The following PDE9A variants were observed in gnomAD, a reference collection of about 807,000 sequenced individuals.
PDE9A encodes the protein high affinity cGMP-specific 3',5'-cyclic phosphodiesterase 9A.
PDE9A carries 60 observed loss-of-function variants against 87.4 expected under a neutral mutation model. The ratio of observed to expected loss-of-function variants is 0.69; its 90% CI spans 0.56 to 0.85. PDE9A has a LOEUF of 0.85. PDE9A is among the 40% of genes least tolerant of loss of function. The pLI is 0.00. For synonymous variants in PDE9A, 272 were observed against 279.4 expected (o/e 0.97, Z 0.27); for missense variants, 665 against 779.0 (o/e 0.85, Z 1.74).
At chr21:42,728,547 C>T (rs927895170) in intron 4 of PDE9A, among the ~76,000 whole-genome samples, 1 of 152,224 alleles carries the variant, frequency 6.6e-6, no homozygotes, top group African/African-American at 2.4e-5. Flanking sequence ...ATAAACCCCA[C>T]TAAATCTTGA....
At chr21:42,727,932 C>T (rs374588614) in intron 4 of PDE9A, among the ~76,000 whole-genome samples, 13 of 152,276 alleles carry the variant, frequency 8.5e-5, no homozygotes, top group African/African-American at 3.1e-4. Context: ...TGTTAATTAG[C>T]AGCAGTGAGA....
intron 7 of PDE9A, 50 bp from the exon 8 acceptor site, chr21:42,743,726 T>C (rs764988243): frequency 8.5e-7 from 1 of 1,181,564 alleles, no homozygotes; most frequent in Non-Finnish European, 1.2e-6. Context: ...TGAGAGATCC[T>C]CCACATTCGT....
At position 42,705,878 on chromosome 21, in the gene PDE9A, G is replaced by A. The variant is rs2048789254; in HGVS notation, c.262+6867G>A. ...TTCAGCCTCTGCATCTGGCCCCCGC[G>A]GAGACCCACACCACATTCTACTCCC... On this transcript the variant is annotated intron_variant, in intron 4 of 19. Coordinates refer to ENST00000291539, the MANE Select transcript of PDE9A (RefSeq NM_002606.3). This position sits in a 1 kb window ranked among gnomAD's most constrained non-coding sequence, Gnocchi z 4.3. 2.0e-5 allele frequency among the ~76,000 whole-genome samples: 3 copies of A among 151,980 alleles called. No homozygotes were observed. Among genetic ancestry groups the A allele is most frequent in the African/African-American group, 4.8e-5 (2 of 41,364 alleles).
rs1300940027 is a variant in PDE9A, at chr21:42,694,085, C to CT, written c.219-4882dup. 2.0e-5 allele frequency among the ~76,000 whole-genome samples: 3 copies of CT among 152,146 alleles called. No homozygotes were observed. Among genetic ancestry groups the CT allele is most frequent in the African/African-American group, 7.2e-5 (3 of 41,426 alleles). ...CCCTCTGGTGACCAGAAGCTTATGT[C>CT]TACCAGACCCAGGGCCTTCCCTTGC... is the stretch of plus-strand genomic sequence containing the variant. On this transcript the variant is annotated intron_variant, in intron 3 of 19. Transcript: ENST00000291539. This position sits in a 1 kb window ranked among gnomAD's most constrained non-coding sequence, Gnocchi z 5.3.
At chr21:42,726,624 A>ATATATATTTTTTTTTTTTTTTT in intron 4 of PDE9A, among the ~76,000 whole-genome samples, 1 of 19,776 alleles carries the variant, frequency 5.1e-5, no homozygotes, top group African/African-American at 3.4e-4. Context: ...ATATATATAT[A>ATATATATTTTTTTTTTTTTTTT]TTTTTTTTTT....
rs1184580488 is a variant in PDE9A at position 42,723,345 on chromosome 21, G to A, written c.263-8425G>A. Reference sequence around the variant, plus strand: ...CAAACAATTCTGCCAGCCCCGGCCAGCATTCCCTGCATGTGCTTATCAAGT... The same window carrying A: ...CAAACAATTCTGCCAGCCCCGGCCAACATTCCCTGCATGTGCTTATCAAGT... On this transcript the variant is annotated intron_variant, in intron 4 of 19. Coordinates refer to ENST00000291539, the MANE Select transcript of PDE9A (RefSeq NM_002606.3). This position sits in a 1 kb window ranked among gnomAD's most constrained non-coding sequence, Gnocchi z 4.3. Among the ~76,000 whole-genome samples the A allele has an allele frequency of 1.3e-5, 2 of 152,238 alleles. No individual in the cohort carries two copies. The highest frequency in any genetic ancestry group is 2.9e-5 in the Non-Finnish European group (2 of 68,054).
chr21:42,701,798 C>T (rs140445985), intron 4 of PDE9A, among the ~76,000 whole-genome samples: 19 of 152,290 alleles, frequency 1.2e-4, no homozygotes, highest in African/African-American at 4.3e-4. Flanking sequence ...AGTTTTCCAG[C>T]ACTGTGAATA....
Position 42,705,195 on chromosome 21 carries a change from G to T in PDE9A, c.262+6184G>T, listed in dbSNP as rs549561657. On this transcript the variant is annotated intron_variant, in intron 4 of 19. Transcript: ENST00000291539. This position sits in a 1 kb window ranked among gnomAD's most constrained non-coding sequence, Gnocchi z 4.3. ...TGCTCTCTTCGCCTGATCATGGGAGGGAATCAAATGGATAGAGCATTTATC... is the reference window on the plus strand; with the variant it reads ...TGCTCTCTTCGCCTGATCATGGGAGTGAATCAAATGGATAGAGCATTTATC... 6.6e-6 allele frequency among the ~76,000 whole-genome samples: 1 copy of T among 152,234 alleles called. No homozygotes were observed. The highest frequency in any genetic ancestry group is 1.9e-4 in the East Asian group (1 of 5,182).
chr21:42,754,085 C>T (rs1328423747), intron 10 of PDE9A, 21 bp downstream of exon 10: 1 of 1,555,810 alleles, frequency 6.4e-7, no homozygotes, highest in South Asian at 1.1e-5. Context: ...GGCTTGCAGG[C>T]ACCACGTCCC....
chr21:42,773,974 G>C (rs945094853), intron 19 of PDE9A, among the ~76,000 whole-genome samples: 2 of 151,518 alleles, frequency 1.3e-5, no homozygotes, highest in African/African-American at 4.9e-5. Flanking sequence ...GCGTGGTGGT[G>C]GGTGCCTGTA....
chr21:42,699,566 TTAA>T (rs869283193), intron 4 of PDE9A, among the ~76,000 whole-genome samples: 1 of 96,572 alleles, frequency 1.0e-5, no homozygotes. Flanking sequence ...TTTTTTTTTT[TTAA>T]AAAAAAACGG....
chr21:42,712,038 C>T (rs1240256664), intron 4 of PDE9A, among the ~76,000 whole-genome samples: 1 of 151,302 alleles, frequency 6.6e-6, no homozygotes, highest in Admixed American at 6.6e-5. Context: ...TTTCTTTTCC[C>T]TACAAATTTT....
At chr21:42,729,348 A>G (rs1486136493) in intron 4 of PDE9A, among the ~76,000 whole-genome samples, 1 of 152,080 alleles carries the variant, frequency 6.6e-6, no homozygotes, top group Admixed American at 6.6e-5. Context: ...TCCCTCTTTC[A>G]TTCCTGATAT....
In PDE9A at chr21:42,692,038, T is replaced by A. The variant is rs374034125; in HGVS notation, c.218+4044T>A. Among the ~76,000 whole-genome samples, 9 of 152,338 alleles carry A rather than the reference T, an allele frequency of 5.9e-5. No homozygotes were observed. The East Asian group carries it at 1.5e-3, about 26-fold the overall frequency. ...CCTCCCCTCAGTGTGCGCCTCAGTC[T>A]GAAGTGATCTCACTTACTTGTTTGA... On this transcript the variant is annotated intron_variant, in intron 3 of 19. Transcript: ENST00000291539. This position sits in a 1 kb window ranked among gnomAD's most constrained non-coding sequence, Gnocchi z 4.3.
intron 4 of PDE9A, among the ~76,000 whole-genome samples, chr21:42,725,458 C>T (rs921772571): frequency 7.2e-5 from 11 of 152,196 alleles, no homozygotes; most frequent in South Asian, 2.1e-4. Flanking sequence ...AGGCTGGTCT[C>T]GAACTCCTGA....
intron 1 of PDE9A, among the ~76,000 whole-genome samples, chr21:42,658,190 C>T (rs1486331968): frequency 1.3e-5 from 2 of 152,198 alleles, no homozygotes; most frequent in Non-Finnish European, 2.9e-5. Flanking sequence ...CTGGTCCTGG[C>T]ACCCAAGGCC....
chr21:42,719,800 C>G (rs956340162), intron 4 of PDE9A, among the ~76,000 whole-genome samples: 2 of 152,158 alleles, frequency 1.3e-5, no homozygotes, highest in Non-Finnish European at 2.9e-5. Context: ...ATTTCTCTTG[C>G]TACAAATGTT....
intron 4 of PDE9A, among the ~76,000 whole-genome samples, chr21:42,728,803 C>T (rs1482112061): frequency 6.6e-6 from 1 of 152,004 alleles, no homozygotes; most frequent in African/African-American, 2.4e-5. Context: ...AGTTCAAGAC[C>T]AGCCTGGCTA....
chr21:42,758,658 G>A, intron 10 of PDE9A: 1 of 261,446 alleles, frequency 3.8e-6, no homozygotes. Flanking sequence ...TTTTGGTGCA[G>A]TGTTTTGTGA....
Sources: allele counts gnomAD v4.1 joint callset (sites outside exome capture counted in the v4.1 genomes callset), GRCh38; gene constraint gnomAD v4.1.1; non-coding constraint Gnocchi (gnomAD v3.1); transcripts MANE v1.5; gene names NCBI Gene and HGNC (gene_info 2026-07-23, HGNC 2026-07-21).